Variants in CAMKMT observed in about 807,000 individuals in gnomAD.
The protein encoded by CAMKMT is CaM KMT.
CAMKMT carries 53 observed loss-of-function variants against 48.0 expected under a neutral mutation model. That is an observed-to-expected ratio of 1.10 (90% CI 0.89 to 1.39). The LOEUF is 1.39. Ranked by LOEUF, CAMKMT falls within the 40% of genes most tolerant of loss-of-function variation. The pLI, the probability that CAMKMT is intolerant of heterozygous loss-of-function variation, is 0.00. For missense variants in CAMKMT, 428 were observed against 402.7 expected (o/e 1.06, Z -0.54); for synonymous variants, 165 against 152.3 (o/e 1.08, Z -0.61).
chr2:44,665,604 C>T (rs762184325), intron 3 of CAMKMT, among the ~76,000 whole-genome samples: 5 of 152,108 alleles, frequency 3.3e-5, no homozygotes, highest in African/African-American at 7.2e-5. Flanking sequence ...GGCATTTGTC[C>T]CTCAATGCTC....
chr2:44,492,570 G>T (rs908379461), intron 3 of CAMKMT, among the ~76,000 whole-genome samples: 1 of 152,086 alleles, frequency 6.6e-6, no homozygotes, highest in African/African-American at 2.4e-5. Flanking sequence ...TAACTAATAG[G>T]GCAAAAGCAC....
chr2:44,598,467 G>A (rs1182623856), intron 3 of CAMKMT, among the ~76,000 whole-genome samples: 2 of 151,636 alleles, frequency 1.3e-5, no homozygotes, highest in Non-Finnish European at 1.5e-5. Flanking sequence ...TATACACTGT[G>A]CATTTTTTTT....
chr2:44,568,931 C>T (rs1438962861), intron 3 of CAMKMT, among the ~76,000 whole-genome samples: 2 of 152,146 alleles, frequency 1.3e-5, no homozygotes, highest in East Asian at 3.9e-4. Context: ...TTCCAAGTTA[C>T]AAGGGTCAAG....
chr2:44,568,302 A>G (rs1367033652), intron 3 of CAMKMT, among the ~76,000 whole-genome samples: 1 of 152,198 alleles, frequency 6.6e-6, no homozygotes, highest in Admixed American at 6.6e-5. Context: ...TCAAAAGTTT[A>G]TGTGTGTTGT....
intron 3 of CAMKMT, among the ~76,000 whole-genome samples, chr2:44,622,577 A>G (rs1465314157): frequency 1.3e-5 from 2 of 152,202 alleles, no homozygotes; most frequent in South Asian, 2.1e-4. Flanking sequence ...CCCACTTATA[A>G]GTGAGAACAT....
At chr2:44,427,781 A>T (rs1260848074) in intron 3 of CAMKMT, among the ~76,000 whole-genome samples, 1 of 152,164 alleles carries the variant, frequency 6.6e-6, no homozygotes, top group Non-Finnish European at 1.5e-5. Context: ...TTGTGGCCCA[A>T]ACCAGACCAT....
chr2:44,423,078 A>G (rs894250165), intron 3 of CAMKMT, among the ~76,000 whole-genome samples: 1 of 152,202 alleles, frequency 6.6e-6, no homozygotes, highest in Middle Eastern at 3.2e-3. Flanking sequence ...CTCAAGAGGA[A>G]TAATATTTGT....
chr2:44,598,672 A>G (rs1670810014), intron 3 of CAMKMT, among the ~76,000 whole-genome samples: 1 of 67,740 alleles, frequency 1.5e-5, no homozygotes, highest in South Asian at 4.6e-4. Context: ...AGAAGAACCT[A>G]ATTTGCAGCA....
chr2:44,738,982 A>G (rs1334606948), intron 7 of CAMKMT, among the ~76,000 whole-genome samples: 1 of 152,188 alleles, frequency 6.6e-6, no homozygotes, highest in Non-Finnish European at 1.5e-5. Flanking sequence ...CCATGCTAGT[A>G]TATTCAGGAA....
At chr2:44,416,535 C>CT (rs562654637) in intron 3 of CAMKMT, among the ~76,000 whole-genome samples, 3 of 132,610 alleles carry the variant, frequency 2.3e-5, no homozygotes, top group Admixed American at 1.5e-4. Context: ...TATATGTTCT[C>CT]TTTTTTTTCC....
chr2:44,681,260 C>T (rs1376694806), intron 3 of CAMKMT, among the ~76,000 whole-genome samples: 7 of 152,084 alleles, frequency 4.6e-5, no homozygotes, highest in East Asian at 1.9e-4. Flanking sequence ...AAGACTTGGA[C>T]GCTTTGTTTG....
At chr2:44,397,445 G>A (rs1029899946) in intron 3 of CAMKMT, among the ~76,000 whole-genome samples, 6 of 152,148 alleles carry the variant, frequency 3.9e-5, no homozygotes, top group Non-Finnish European at 7.4e-5. Context: ...CTTTAGCATC[G>A]TAATGTACAT....
At chr2:44,588,292 G>A (rs1320092876) in intron 3 of CAMKMT, among the ~76,000 whole-genome samples, 3 of 64,128 alleles carry the variant, frequency 4.7e-5, no homozygotes, top group East Asian at 4.1e-4. Context: ...CAGCCACCCC[G>A]TCCGGGAGGG....
Position 44,758,168 on chromosome 2 carries a change from A to G in CAMKMT, c.762+4050A>G, listed in dbSNP as rs559417962. On this transcript the variant is annotated intron_variant, in intron 9 of 10. Coordinates refer to ENST00000378494, the MANE Select transcript of CAMKMT (RefSeq NM_024766.5). ...TTCAAGTGTCAAGCTGTGGGAACAA[A>G]TGAATTCTGCCATCTAGGGGAGTAT... Among the ~76,000 whole-genome samples, 24 of 152,336 alleles carry G rather than the reference A, an allele frequency of 1.6e-4. No homozygotes were observed. In the South Asian group the frequency reaches 4.8e-3, roughly 30 times the overall value.
intron 3 of CAMKMT, among the ~76,000 whole-genome samples, chr2:44,396,256 T>G (rs894712536): frequency 1.3e-5 from 2 of 149,450 alleles, no homozygotes; most frequent in South Asian, 4.3e-4. Flanking sequence ...GTTAATAGAT[T>G]GACTAATTTA....
At chr2:44,647,673 AG>A (rs1673810764) in intron 3 of CAMKMT, among the ~76,000 whole-genome samples, 1 of 152,074 alleles carries the variant, frequency 6.6e-6, no homozygotes, top group Non-Finnish European at 1.5e-5. Context: ...CGGGAGGCTG[AG>A]GCGGGTGGAT....
At chr2:44,672,308 A>T (rs1217236455) in intron 3 of CAMKMT, among the ~76,000 whole-genome samples, 1 of 152,208 alleles carries the variant, frequency 6.6e-6, no homozygotes, top group Non-Finnish European at 1.5e-5. Flanking sequence ...CAACCTGCCC[A>T]AACTGAATGC....
At chr2:44,708,671 A>C (rs186926) in intron 6 of CAMKMT, among the ~76,000 whole-genome samples, 1 of 151,888 alleles carries the variant, frequency 6.6e-6, no homozygotes, top group Non-Finnish European at 1.5e-5. Context: ...GAAGATGAGC[A>C]GATGTTTTTT....
intron 3 of CAMKMT, among the ~76,000 whole-genome samples, chr2:44,443,865 T>C (rs1034490023): frequency 6.6e-6 from 1 of 152,216 alleles, no homozygotes; most frequent in African/African-American, 2.4e-5. Flanking sequence ...CTACTGAAGC[T>C]GCCTAGTGGG....
Sources: allele counts gnomAD v4.1 joint callset (sites outside exome capture counted in the v4.1 genomes callset), GRCh38; gene constraint gnomAD v4.1.1; transcripts MANE v1.5; gene names NCBI Gene and HGNC (gene_info 2026-07-23, HGNC 2026-07-21).